Variants in POLR3GL observed in about 807,000 individuals in gnomAD.
POLR3GL encodes RNA polymerase III subunit GL.
In POLR3GL, 26 loss-of-function variants were observed where a neutral mutation model predicts 32.4. The ratio of observed to expected loss-of-function variants is 0.80; its 90% CI spans 0.59 to 1.11. The LOEUF (loss-of-function observed/expected upper bound fraction) is 1.11, where lower values mean the gene tolerates loss of function less well. Among genes scored for constraint, POLR3GL ranks in the 50% most tolerant of loss-of-function variants. The pLI is 0.00. For synonymous variants in POLR3GL, 95 were observed against 98.7 expected, an observed-to-expected ratio of 0.96 and a Z score of 0.22; for missense variants, 229 against 280.1, an observed-to-expected ratio of 0.82 and a Z score of 1.30.
Position 145,964,729 on chromosome 1 carries a change from T to C in POLR3GL, c.-81T>C, listed in dbSNP as rs1316073491. On this transcript the variant is annotated 5_prime_UTR_variant, in exon 1 of 8. Transcript: ENST00000369314. ...TTGAGGAAGCCCAGTACATTTCAAG[T>C]TGGTCGCGGCTTGGGCTCCGCTTTG... 3 of 152,200 alleles carry C rather than the reference T, an allele frequency of 2.0e-5. No individual in the cohort carries two copies. The highest frequency in any genetic ancestry group is 7.2e-5 in the African/African-American group (3 of 41,418). The allele number at this position is 152,200 out of a possible 1,614,324, so 9.4% of individuals were successfully genotyped here.
intron 1 of POLR3GL, among the ~76,000 whole-genome samples, chr1:145,966,757 C>G (rs1458467872): frequency 6.6e-6 from 1 of 151,642 alleles, no homozygotes; most frequent in African/African-American, 2.4e-5. Flanking sequence ...CCATTGCACT[C>G]CAGCCTGGAC....
chr1:145,970,319 T>C (rs1553762451), intron 1 of POLR3GL, among the ~76,000 whole-genome samples: 2 of 152,090 alleles, frequency 1.3e-5, no homozygotes, highest in Non-Finnish European at 2.9e-5. Context: ...CTAATTTTTT[T>C]ATTTTTTGTA....
At chr1:145,971,185 CAAAAAAAA>C (rs36126138) in intron 1 of POLR3GL, among the ~76,000 whole-genome samples, 13 of 90,680 alleles carry the variant, frequency 1.4e-4, no homozygotes, top group African/African-American at 6.1e-4. Context: ...AACTCCATCT[CAAAAAAAA>C]AAAAAAAAAA....
intron 1 of POLR3GL, among the ~76,000 whole-genome samples, chr1:145,967,930 T>C (rs963906828): frequency 3.3e-5 from 5 of 152,222 alleles, no homozygotes; most frequent in Non-Finnish European, 7.3e-5. Context: ...TTAGAGACAA[T>C]AAATAAATTA....
intron 4 of POLR3GL, 36 bp from the exon 5 acceptor site, chr1:145,977,447 G>A: frequency 6.2e-7 from 1 of 1,600,024 alleles, no homozygotes. Context: ...ACCCCAGGCA[G>A]GGTCCTATTG....
rs1650661935 is a variant in POLR3GL, at chr1:145,978,381, A to G, written c.591A>G (p.Ser197=). The part of the protein sequence containing the change: ...EHEEETDYIM[S]YFDNGEDFGG... ...TTCAGGAAACTGATTACATCATGTC[A>G]TATTTTGACAATGGAGAGGACTTTG... is the stretch of plus-strand genomic sequence containing the variant. The change falls in exon 8 of 8, where the codon TCA becomes TCG. Residue 197 remains serine (S), a synonymous_variant. Transcript: ENST00000369314. 4 of 1,606,400 alleles carry G rather than the reference A, an allele frequency of 2.5e-6. No homozygotes were observed. The highest frequency in any genetic ancestry group is 3.4e-6 in the Non-Finnish European group (4 of 1,174,042).
chr1:145,973,043 T>TAC (rs1650399155), intron 1 of POLR3GL, among the ~76,000 whole-genome samples: 1 of 152,084 alleles, frequency 6.6e-6, no homozygotes, highest in Non-Finnish European at 1.5e-5. Context: ...AGCACCTCCT[T>TAC]ACTTTTTGGC....
At chr1:145,974,681 TGA>T in intron 1 of POLR3GL, 142 bp from the exon 2 acceptor site, 2 of 514,202 alleles carry the variant, frequency 3.9e-6, no homozygotes, top group Admixed American at 4.3e-5. Flanking sequence ...ATTCTCTCTC[TGA>T]CACTGTGCCT....
chr1:145,966,616 T>C (rs1263736223), intron 1 of POLR3GL, among the ~76,000 whole-genome samples: 2 of 150,706 alleles, frequency 1.3e-5, no homozygotes, highest in Non-Finnish European at 2.9e-5. Context: ...AGAAACCCCA[T>C]CTCTACTAAA....
intron 3 of POLR3GL, 84 bp from the exon 4 acceptor site, chr1:145,977,000 T>A: frequency 9.0e-7 from 1 of 1,109,560 alleles, no homozygotes; most frequent in Admixed American, 1.7e-5. Flanking sequence ...AGATAATTCC[T>A]CAGTATTGAG....
chr1:145,967,311 A>C (rs1246762817), intron 1 of POLR3GL, among the ~76,000 whole-genome samples: 2 of 152,034 alleles, frequency 1.3e-5, no homozygotes, highest in African/African-American at 4.8e-5. Context: ...AGTAGCTGGA[A>C]TTAAAGGTGT....
chr1:145,972,698 G>T (rs1166069935), intron 1 of POLR3GL, among the ~76,000 whole-genome samples: 1 of 151,526 alleles, frequency 6.6e-6, no homozygotes, highest in East Asian at 1.9e-4. Context: ...TCTCCTTTTT[G>T]TTTGTTTTTC....
intron 1 of POLR3GL, among the ~76,000 whole-genome samples, chr1:145,968,730 C>A (rs959616543): frequency 3.3e-5 from 5 of 151,992 alleles, no homozygotes; most frequent in Non-Finnish European, 7.4e-5. Context: ...CACCACCACG[C>A]CTGGCTAATT....
chr1:145,966,112 C>T (rs1396446893), intron 1 of POLR3GL, among the ~76,000 whole-genome samples: 1 of 127,230 alleles, frequency 7.9e-6, no homozygotes, highest in Non-Finnish European at 1.6e-5. Flanking sequence ...GCAAAACTCC[C>T]TCTCAAAAAA....
At chr1:145,966,602 A>G (rs959918543) in intron 1 of POLR3GL, among the ~76,000 whole-genome samples, 2 of 151,974 alleles carry the variant, frequency 1.3e-5, no homozygotes, top group Non-Finnish European at 2.9e-5. Flanking sequence ...CCTGACCAAC[A>G]TGGAGAAACC....
At chr1:145,972,055 G>C (rs778061124) in intron 1 of POLR3GL, among the ~76,000 whole-genome samples, 5 of 140,156 alleles carry the variant, frequency 3.6e-5, no homozygotes, top group Non-Finnish European at 7.6e-5. Flanking sequence ...GAGAGAGAGA[G>C]AGAAATTCCC....
At chr1:145,974,170 T>C (rs1650447959) in intron 1 of POLR3GL, among the ~76,000 whole-genome samples, 1 of 152,174 alleles carries the variant, frequency 6.6e-6, no homozygotes, top group Non-Finnish European at 1.5e-5. Context: ...GATTGTAATG[T>C]GTCTTTTCCC....
At chr1:145,972,652 C>T (rs2101936888) in intron 1 of POLR3GL, among the ~76,000 whole-genome samples, 1 of 152,206 alleles carries the variant, frequency 6.6e-6, no homozygotes, top group African/African-American at 2.4e-5. Flanking sequence ...GTCCCTTTGA[C>T]ATAGCCTCAT....
chr1:145,976,958 C>A, intron 3 of POLR3GL, 126 bp from the exon 4 acceptor site: 2 of 731,306 alleles, frequency 2.7e-6, no homozygotes, highest in Non-Finnish European at 4.8e-6. Context: ...CTGAAGCTGA[C>A]CCCCTGGGCT....
Sources: gnomAD v4.1 joint callset for allele counts (sites outside exome capture counted in the v4.1 genomes callset) on GRCh38, gnomAD v4.1.1 for gene constraint, MANE v1.5 for transcripts, NCBI Gene and HGNC (gene_info 2026-07-23, HGNC 2026-07-21) for gene names.